The following NLGN1 variants were observed in gnomAD, a reference collection of about 807,000 sequenced individuals.
NLGN1 encodes the protein neuroligin 1.
NLGN1 carries 12 observed loss-of-function variants against 65.5 expected under a neutral mutation model. The observed-to-expected ratio is 0.18, with a 90% CI of 0.12 to 0.30. NLGN1 has a LOEUF of 0.30. NLGN1 is among the 10% of genes least tolerant of loss of function. The pLI is 1.00. For synonymous variants in NLGN1, 350 were observed against 359.5 expected, an observed-to-expected ratio of 0.97 and a Z score of 0.30; for missense variants, 750 against 1,007.1, an observed-to-expected ratio of 0.74 and a Z score of 3.46.
intron 4 of NLGN1, among the ~76,000 whole-genome samples, chr3:173,890,143 T>C (rs1306113353): frequency 6.6e-6 from 1 of 152,176 alleles, no homozygotes. Context: ...AGCCATTCCC[T>C]TTAAAATTCT....
rs578056529 is a variant in NLGN1 at position 173,490,332 on chromosome 3, A to G, written c.-321+55254A>G. ...CATATGGCTAGCCAGTTTTCCCAGC[A>G]CCATTTATTAAATAGGGAATCCTTT... On this transcript the variant is annotated intron_variant, in intron 2 of 6. Coordinates refer to ENST00000457714, the Ensembl canonical transcript of NLGN1. Among the ~76,000 whole-genome samples, 546 of 152,204 alleles carry G rather than the reference A, an allele frequency of 3.6e-3. 6 individuals carry two copies. The highest frequency in any genetic ancestry group is 0.012 in the African/African-American group (514 of 41,522).
At chr3:173,574,674 A>T in intron 2 of NLGN1, among the ~76,000 whole-genome samples, 1 of 152,170 alleles carries the variant, frequency 6.6e-6, no homozygotes, top group South Asian at 2.1e-4. Flanking sequence ...TTATGACTCA[A>T]AAAAGGAATA....
At chr3:173,473,887 C>T (rs1369269816) in intron 2 of NLGN1, among the ~76,000 whole-genome samples, 3 of 152,132 alleles carry the variant, frequency 2.0e-5, no homozygotes, top group African/African-American at 7.2e-5. Flanking sequence ...AATGAGACGG[C>T]AGATTTCCTA....
intron 4 of NLGN1, among the ~76,000 whole-genome samples, chr3:174,219,614 T>C (rs1195289194): frequency 6.6e-6 from 1 of 152,238 alleles, no homozygotes; most frequent in East Asian, 1.9e-4. Context: ...GCTTAGTACA[T>C]CGTAGGAGTA....
At chr3:173,934,392 C>G (rs1392796631) in intron 4 of NLGN1, among the ~76,000 whole-genome samples, 1 of 151,038 alleles carries the variant, frequency 6.6e-6, no homozygotes, top group East Asian at 1.9e-4. Context: ...GAAGCGGTTG[C>G]AAGAAAAAGT....
chr3:173,924,142 G>C (rs149977691), intron 4 of NLGN1, among the ~76,000 whole-genome samples: 307 of 152,116 alleles, frequency 2.0e-3, no homozygotes, highest in African/African-American at 7.2e-3. Context: ...CATTTGTTTA[G>C]TAATCATCAA....
chr3:174,041,688 A>G (rs756243311), intron 4 of NLGN1, among the ~76,000 whole-genome samples: 4 of 152,070 alleles, frequency 2.6e-5, no homozygotes, highest in Non-Finnish European at 5.9e-5. Context: ...TCATTTCTCT[A>G]ATGATTACTG....
intron 4 of NLGN1, among the ~76,000 whole-genome samples, chr3:174,268,700 C>G (rs1410287097): frequency 6.6e-6 from 1 of 152,016 alleles, no homozygotes; most frequent in Non-Finnish European, 1.5e-5. Context: ...TTGGAAACTG[C>G]AAACCAAAGA....
intron 4 of NLGN1, among the ~76,000 whole-genome samples, chr3:173,899,324 C>T (rs987019209): frequency 2.0e-5 from 3 of 152,052 alleles, no homozygotes; most frequent in African/African-American, 7.2e-5. Flanking sequence ...AAAAATTTTT[C>T]AGACTGACTT....
In NLGN1 at chr3:173,412,451, G is replaced by T. The variant is rs149658535; in HGVS notation, c.-390+13964G>T. Among the ~76,000 whole-genome samples the T allele has an allele frequency of 3.8e-4, 58 of 151,918 alleles. 1 individual carries two copies. The East Asian group carries it at 9.7e-3, about 25-fold the overall frequency. Reference sequence around the variant, plus strand: ...CTTGAGTACTATGATAGGGTTGAGAGAATTAAAATCCTGAAAGGAAAATAG... The same window carrying T: ...CTTGAGTACTATGATAGGGTTGAGATAATTAAAATCCTGAAAGGAAAATAG... On this transcript the variant is annotated intron_variant, in intron 1 of 6. Coordinates refer to ENST00000457714, the Ensembl canonical transcript of NLGN1.
chr3:173,898,539 A>G (rs962166306), intron 4 of NLGN1, among the ~76,000 whole-genome samples: 3 of 152,248 alleles, frequency 2.0e-5, no homozygotes, highest in Non-Finnish European at 1.5e-5. Context: ...AGCATTAACC[A>G]GCATACTACT....
chr3:174,209,752 C>G (rs13065839), intron 4 of NLGN1, among the ~76,000 whole-genome samples: 1 of 150,366 alleles, frequency 6.7e-6, no homozygotes, highest in Non-Finnish European at 1.5e-5. Context: ...CCTGCCTCAG[C>G]CTCCCGAGTA....
intron 3 of NLGN1, among the ~76,000 whole-genome samples, chr3:173,698,484 C>G (rs961624407): frequency 7.2e-5 from 11 of 152,090 alleles, no homozygotes; most frequent in African/African-American, 2.7e-4. Flanking sequence ...AACCGTATTC[C>G]CTTTTGATGC....
intron 3 of NLGN1, among the ~76,000 whole-genome samples, chr3:173,738,107 T>C (rs1237945992): frequency 6.6e-6 from 1 of 152,040 alleles, no homozygotes; most frequent in Admixed American, 6.6e-5. Context: ...TTTAAATTTT[T>C]ATTATTGAAT....
chr3:173,405,611 G>C (rs115812105), intron 1 of NLGN1, among the ~76,000 whole-genome samples: 242 of 152,052 alleles, frequency 1.6e-3, no homozygotes, highest in Non-Finnish European at 2.9e-3. Context: ...ATAATTCTTA[G>C]AAAGTATGAT....
At chr3:173,780,336 G>A (rs529917842) in intron 3 of NLGN1, among the ~76,000 whole-genome samples, 3 of 152,214 alleles carry the variant, frequency 2.0e-5, no homozygotes, top group South Asian at 2.1e-4. Context: ...ACATGTATAC[G>A]CTCAGTGGGG....
In NLGN1 at chr3:173,660,074, T is replaced by C. The variant is rs1473967570; in HGVS notation, c.493+54983T>C. Among the ~76,000 whole-genome samples, 3 of 148,250 alleles carry C rather than the reference T, an allele frequency of 2.0e-5. No homozygotes were observed. In the East Asian group the frequency reaches 6.0e-4, roughly 30 times the overall value. The stretch of plus-strand genomic sequence containing the variant: ...GAGGACATAGTGAGAGAAAATGTGG[T>C]ACATGTTCTAGTAAAATGAGTGGTT... On this transcript the variant is annotated intron_variant, in intron 3 of 6. Coordinates refer to ENST00000457714, the Ensembl canonical transcript of NLGN1.
intron 1 of NLGN1, among the ~76,000 whole-genome samples, chr3:173,431,758 G>C (rs6764613): frequency 0.029 from 4,365 of 152,164 alleles, 204 homozygotes; most frequent in African/African-American, 0.1. Flanking sequence ...CATTAGGAAT[G>C]AATGTTGGTG....
chr3:174,125,796 C>T (rs952431540), intron 4 of NLGN1, among the ~76,000 whole-genome samples: 1 of 152,002 alleles, frequency 6.6e-6, no homozygotes, highest in Non-Finnish European at 1.5e-5. Flanking sequence ...AGGAAGAAAA[C>T]TTTTAAGATT....
Sources: gnomAD v4.1 joint callset for allele counts (sites outside exome capture counted in the v4.1 genomes callset) on GRCh38, gnomAD v4.1.1 for gene constraint, MANE v1.5 for transcripts, NCBI Gene and HGNC (gene_info 2026-07-23, HGNC 2026-07-21) for gene names.